The following DCBLD2 variants were observed in gnomAD, a reference collection of about 807,000 sequenced individuals.
DCBLD2 encodes discoidin, CUB and LCCL domain containing 2.
DCBLD2 carries 54 observed loss-of-function variants against 86.8 expected under a neutral mutation model. The observed-to-expected ratio is 0.62, with a 90% CI of 0.50 to 0.78. The LOEUF (loss-of-function observed/expected upper bound fraction) is 0.78. Ranked by LOEUF, DCBLD2 falls within the 30% of genes least tolerant of loss-of-function variation. The pLI is 0.00. For missense variants in DCBLD2, 908 were observed against 954.2 expected (o/e 0.95, Z 0.64); for synonymous variants, 354 against 341.3 (o/e 1.04, Z -0.41).
rs1941640759 is a variant in DCBLD2, at chr3:98,797,763, C to CA, written c.*1608dup. On this transcript the variant is annotated 3_prime_UTR_variant, in exon 16 of 16. Transcript: ENST00000326840. ...GATGTTTTAGAATACTGATATAATT[C>CA]ATGGAAACAAGAAAACAAATACTGT... 1 of 152,256 alleles carries CA rather than the reference C, an allele frequency of 6.6e-6. No homozygotes were observed. Among genetic ancestry groups the CA allele is most frequent in the African/African-American group, 2.4e-5 (1 of 41,532 alleles). 9.4% of individuals were successfully genotyped at this position (152,256 alleles called of 1,614,324 possible).
At chr3:98,858,036 G>A (rs537734401) in intron 2 of DCBLD2, among the ~76,000 whole-genome samples, 11 of 152,342 alleles carry the variant, frequency 7.2e-5, no homozygotes, top group South Asian at 4.1e-4. Context: ...GGTGCTCGTC[G>A]GGGAGGCTTG....
At chr3:98,889,100 T>C (rs1364739001) in intron 1 of DCBLD2, among the ~76,000 whole-genome samples, 1 of 151,990 alleles carries the variant, frequency 6.6e-6, no homozygotes, top group Non-Finnish European at 1.5e-5. Context: ...CTTTCTGATA[T>C]CTTCGCTTTC....
At position 98,797,285 on chromosome 3, in the gene DCBLD2, A is replaced by C. The variant is rs909172298; in HGVS notation, c.*2087T>G. ...AACACTTGCCCCTCTTAAAAAAAAAAAAACCCAAAACTAAACAACAACAAC... is the reference window on the plus strand; with the variant it reads ...AACACTTGCCCCTCTTAAAAAAAAACAAACCCAAAACTAAACAACAACAAC... On this transcript the variant is annotated 3_prime_UTR_variant, in exon 16 of 16. Transcript: ENST00000326840. The C allele has an allele frequency of 2.0e-5, 3 of 151,752 alleles. No individual in the cohort carries two copies. The highest frequency in any genetic ancestry group is 4.8e-5 in the African/African-American group (2 of 41,250). 9.4% of individuals were successfully genotyped at this position (151,752 alleles called of 1,614,324 possible).
At chr3:98,801,908 G>C (rs1462934170) in intron 13 of DCBLD2, 4 of 354,342 alleles carry the variant, frequency 1.1e-5, no homozygotes, top group Non-Finnish European at 2.1e-5. Context: ...TGGCTGCATA[G>C]TATTCCATGG....
chr3:98,855,752 A>G (rs529209791), intron 2 of DCBLD2, among the ~76,000 whole-genome samples: 37 of 152,336 alleles, frequency 2.4e-4, no homozygotes, highest in African/African-American at 6.7e-4. Context: ...TGAAATATTC[A>G]TAAGGTAATA....
chr3:98,837,922 ACCC>A (rs1215838361), intron 3 of DCBLD2, among the ~76,000 whole-genome samples: 2 of 45,104 alleles, frequency 4.4e-5, no homozygotes, highest in African/African-American at 1.9e-4. Flanking sequence ...GGGGGTGCTG[ACCC>A]CCCCATCTCC....
At chr3:98,834,486 C>T (rs1220706728) in intron 3 of DCBLD2, among the ~76,000 whole-genome samples, 1 of 152,156 alleles carries the variant, frequency 6.6e-6, no homozygotes, top group East Asian at 1.9e-4. Context: ...CAGTAACCAC[C>T]AGTCTATTCT....
chr3:98,881,909 G>A (rs1943479126), intron 1 of DCBLD2, 142 bp from the exon 2 acceptor site: 4 of 820,454 alleles, frequency 4.9e-6, no homozygotes, highest in East Asian at 2.7e-5. Flanking sequence ...TTTTTTAATG[G>A]ACAAATAATT....
chr3:98,846,010 G>A (rs769620763), intron 3 of DCBLD2, among the ~76,000 whole-genome samples: 12 of 152,140 alleles, frequency 7.9e-5, no homozygotes, highest in Non-Finnish European at 1.5e-4. Context: ...TGAAGTAATC[G>A]TTTAATATCT....
At position 98,830,119 on chromosome 3, in the gene DCBLD2, A is replaced by G. The variant is rs1942294418; in HGVS notation, c.572-4753T>C. ...TCTTGTAAACTTGTTTAAGTTCCTTATTGATGTTGGATATCAGACCTTTGC... is the reference window on the plus strand; with the variant it reads ...TCTTGTAAACTTGTTTAAGTTCCTTGTTGATGTTGGATATCAGACCTTTGC... On this transcript the variant is annotated intron_variant, in intron 3 of 15. Coordinates refer to ENST00000326840, the MANE Select transcript of DCBLD2 (RefSeq NM_080927.4). 2.0e-5 allele frequency among the ~76,000 whole-genome samples: 3 copies of G among 152,000 alleles called. No homozygotes were observed. In the South Asian group the frequency reaches 6.2e-4, roughly 32 times the overall value.
chr3:98,799,366 T>A lies in DCBLD2; in HGVS notation c.*6A>T, dbSNP rs1418904794. 1.3e-6 allele frequency: 2 copies of A among 1,593,622 alleles called. No homozygotes were observed. The highest frequency in any genetic ancestry group is 8.6e-7 in the Non-Finnish European group (1 of 1,169,102). On this transcript the variant is annotated 3_prime_UTR_variant, in exon 16 of 16. Coordinates refer to ENST00000326840, the MANE Select transcript of DCBLD2 (RefSeq NM_080927.4). ...AAACGATGCTTTGTAAAAAGCAGCA[T>A]CATCTTCAAAGGATTTCTTTAAAAA...
Position 98,822,746 on chromosome 3 carries a change from G to A in DCBLD2, c.624-5C>T. Reference sequence around the variant, plus strand: ...CAACCAGCTGGGCAGTACTTACTGAGAAATGAAAACAAGCAAAAGGTTACA... The same window carrying A: ...CAACCAGCTGGGCAGTACTTACTGAAAAATGAAAACAAGCAAAAGGTTACA... On this transcript the variant is annotated splice_polypyrimidine_tract_variant and splice_region_variant and intron_variant, in intron 4 of 15. Coordinates refer to ENST00000326840, the MANE Select transcript of DCBLD2 (RefSeq NM_080927.4). 1 of 1,582,218 alleles carries A rather than the reference G, an allele frequency of 6.3e-7. No individual in the cohort carries two copies. The highest frequency in any genetic ancestry group is 1.2e-5 in the South Asian group (1 of 85,042).
chr3:98,880,091 A>G (rs1177231129), intron 2 of DCBLD2, among the ~76,000 whole-genome samples: 1 of 152,214 alleles, frequency 6.6e-6, no homozygotes, highest in Admixed American at 6.5e-5. Context: ...CCATATATTC[A>G]TGCAATACGC....
chr3:98,804,500 C>T (rs920680059), intron 13 of DCBLD2, among the ~76,000 whole-genome samples: 3 of 152,122 alleles, frequency 2.0e-5, no homozygotes, highest in African/African-American at 4.8e-5. Context: ...AAAACCAGCT[C>T]CTGGATTCAC....
At chr3:98,859,598 G>C (rs1576186438) in intron 2 of DCBLD2, among the ~76,000 whole-genome samples, 1 of 152,200 alleles carries the variant, frequency 6.6e-6, no homozygotes, top group East Asian at 1.9e-4. Context: ...CTCCACTGCT[G>C]ATACCCAGGC....
chr3:98,825,325 G>C lies in DCBLD2; in HGVS notation c.613C>G (p.Pro205Ala), dbSNP rs757600713. Reference sequence around the variant, plus strand: ...CAAATATAATCATACCTGAACTCAGGTTCCAAAAAATTGGATGCAGTGTCC... The same window carrying C: ...CAAATATAATCATACCTGAACTCAGCTTCCAAAAAATTGGATGCAGTGTCC... ...CLDTASNFLE[P>A]EFSKYCPAGC... The change falls in exon 4 of 16, where the codon CCT (proline) becomes GCT (alanine). Residue 205 changes from proline to alanine, a missense_variant. Transcript: ENST00000326840. 3.2e-6 allele frequency: 5 copies of C among 1,540,606 alleles called. No individual in the cohort carries two copies. Among genetic ancestry groups the C allele is most frequent in the East Asian group, 2.4e-5 (1 of 42,092 alleles).
chr3:98,821,012 T>C (rs892385900), intron 6 of DCBLD2: 1 of 148,242 alleles, frequency 6.7e-6, no homozygotes, highest in East Asian at 1.9e-4. Flanking sequence ...GGGAAGGTAG[T>C]TGAATCTATA....
intron 4 of DCBLD2, among the ~76,000 whole-genome samples, chr3:98,823,032 C>T (rs1389996646): frequency 6.6e-6 from 1 of 152,154 alleles, no homozygotes; most frequent in African/African-American, 2.4e-5. Flanking sequence ...ACCACCACAC[C>T]TGGCTAATTT....
intron 2 of DCBLD2, among the ~76,000 whole-genome samples, chr3:98,873,225 C>A (rs1239432342): frequency 6.6e-6 from 1 of 151,816 alleles, no homozygotes; most frequent in Non-Finnish European, 1.5e-5. Flanking sequence ...AAAAGCAAAA[C>A]CTCCAGGAGA....
Sources: gnomAD v4.1 joint callset for allele counts (sites outside exome capture counted in the v4.1 genomes callset) on GRCh38, gnomAD v4.1.1 for gene constraint, MANE v1.5 for transcripts, NCBI Gene and HGNC (gene_info 2026-07-23, HGNC 2026-07-21) for gene names.